The following NBEA variants were observed in gnomAD, a reference collection of about 807,000 sequenced individuals.
NBEA encodes the protein neurobeachin, also known as lysosomal-trafficking regulator 2.
NBEA carries 44 observed loss-of-function variants against 343.4 expected under a neutral mutation model. That is an observed-to-expected ratio of 0.13 (90% CI 0.10 to 0.16). The LOEUF is 0.16. NBEA is among the 10% of genes least tolerant of loss of function. NBEA has a pLI of 1.00. For missense variants in NBEA, 2,555 were observed against 3,631.3 expected (o/e 0.70, Z 7.62); for synonymous variants, 1,175 against 1,238.7 (o/e 0.95, Z 1.08).
chr13:35,138,697 T>A (rs2067885529), intron 17 of NBEA, among the ~76,000 whole-genome samples: 1 of 152,090 alleles, frequency 6.6e-6, no homozygotes, highest in African/African-American at 2.4e-5. Context: ...TGACCTCAAG[T>A]GATCCTCCCA....
intron 4 of NBEA, 145 bp from the exon 5 acceptor site, chr13:35,048,418 A>G: frequency 5.8e-6 from 4 of 693,788 alleles, no homozygotes; most frequent in Admixed American, 3.1e-5. Flanking sequence ...TTAATAAAAT[A>G]CTAGCTCTTA....
chr13:35,320,595 G>T (rs1008985264), intron 36 of NBEA, among the ~76,000 whole-genome samples: 1 of 152,122 alleles, frequency 6.6e-6, no homozygotes, highest in African/African-American at 2.4e-5. Flanking sequence ...TTCTCGAGGA[G>T]TATCTTTGTG....
chr13:35,232,465 T>C (rs2075030171), intron 33 of NBEA, 27 bp from the exon 34 acceptor site: 3 of 1,399,794 alleles, frequency 2.1e-6, no homozygotes, highest in Non-Finnish European at 2.9e-6. Context: ...ATTATATTTA[T>C]TAGTTTTTAT....
intron 46 of NBEA, among the ~76,000 whole-genome samples, chr13:35,584,349 A>T: frequency 7.0e-6 from 1 of 142,496 alleles, no homozygotes. Flanking sequence ...AGGGTCTCTC[A>T]CTCTGCCACT....
chr13:35,117,255 G>T (rs974933337), intron 13 of NBEA, among the ~76,000 whole-genome samples, 159 bp from the exon 14 acceptor site: 2 of 151,256 alleles, frequency 1.3e-5, no homozygotes, highest in Non-Finnish European at 3.0e-5. Context: ...TTAATTTTTG[G>T]ATACTCATAT....
intron 41 of NBEA, among the ~76,000 whole-genome samples, chr13:35,509,127 A>G (rs896300774): frequency 6.6e-6 from 1 of 152,174 alleles, no homozygotes; most frequent in African/African-American, 2.4e-5. Flanking sequence ...TGTCTGGCGT[A>G]TGCCTGCCTG....
chr13:35,670,744 G>A (rs927657770), intron 58 of NBEA, among the ~76,000 whole-genome samples, 157 bp from the exon 59 acceptor site: 13 of 152,236 alleles, frequency 8.5e-5, no homozygotes, highest in Admixed American at 1.3e-4. Flanking sequence ...AGAAATTTCA[G>A]TCCTACTTCC....
intron 39 of NBEA, among the ~76,000 whole-genome samples, chr13:35,443,427 G>A (rs2045845193): frequency 6.6e-6 from 1 of 151,908 alleles, no homozygotes; most frequent in Non-Finnish European, 1.5e-5. Context: ...TAGTGGTATA[G>A]ATAATATCTA....
intron 38 of NBEA, among the ~76,000 whole-genome samples, chr13:35,404,191 G>A (rs989878899): frequency 1.4e-4 from 22 of 152,106 alleles, no homozygotes; most frequent in East Asian, 3.9e-4. Context: ...GGAAGTCAGC[G>A]TGGCGATTCC....
intron 34 of NBEA, among the ~76,000 whole-genome samples, chr13:35,238,735 G>A (rs1359396638): frequency 6.6e-6 from 1 of 152,108 alleles, no homozygotes; most frequent in Non-Finnish European, 1.5e-5. Flanking sequence ...AGAGATGTTA[G>A]CAGTGCAGGA....
At chr13:34,948,370 C>T (rs1566080236) in intron 1 of NBEA, among the ~76,000 whole-genome samples, 1 of 152,096 alleles carries the variant, frequency 6.6e-6, no homozygotes, top group Admixed American at 6.6e-5. Flanking sequence ...GGAAGGCTTT[C>T]TGATGGGGAT....
intron 34 of NBEA, among the ~76,000 whole-genome samples, chr13:35,281,219 G>A (rs914743156): frequency 6.6e-6 from 1 of 151,960 alleles, no homozygotes; most frequent in African/African-American, 2.4e-5. Flanking sequence ...TGACTTTGGG[G>A]AATATCTTCA....
At chr13:35,473,467 T>C (rs1035717749) in intron 41 of NBEA, among the ~76,000 whole-genome samples, 1 of 152,188 alleles carries the variant, frequency 6.6e-6, no homozygotes, top group African/African-American at 2.4e-5. Context: ...TAAAATAGTA[T>C]TTGTAGACTA....
intron 38 of NBEA, among the ~76,000 whole-genome samples, chr13:35,368,619 C>T (rs2041257855): frequency 6.6e-6 from 1 of 151,378 alleles, no homozygotes; most frequent in African/African-American, 2.4e-5. Flanking sequence ...TACTATTGTT[C>T]GTTTGTTACT....
At chr13:34,956,158 A>G (rs2059483808) in intron 1 of NBEA, among the ~76,000 whole-genome samples, 2 of 152,200 alleles carry the variant, frequency 1.3e-5, no homozygotes. Context: ...AAAAAAGACG[A>G]CTTTAATTTT....
At chr13:35,503,585 C>T (rs1375584409) in intron 41 of NBEA, among the ~76,000 whole-genome samples, 4 of 151,684 alleles carry the variant, frequency 2.6e-5, no homozygotes, top group South Asian at 4.2e-4. Context: ...TTTGTAAATA[C>T]TCTTTTGTAT....
intron 41 of NBEA, among the ~76,000 whole-genome samples, chr13:35,478,888 G>A (rs1158081361): frequency 1.3e-5 from 2 of 152,240 alleles, no homozygotes; most frequent in Non-Finnish European, 2.9e-5. Flanking sequence ...GGGCTGTTCG[G>A]GGGACCTTAA....
At chr13:35,127,720 G>T (rs1201787190) in intron 17 of NBEA, among the ~76,000 whole-genome samples, 2 of 152,008 alleles carry the variant, frequency 1.3e-5, no homozygotes, top group African/African-American at 4.8e-5. Context: ...TAAACAGATG[G>T]AGGATTACTT....
intron 35 of NBEA, among the ~76,000 whole-genome samples, chr13:35,297,825 A>G (rs908429309): frequency 6.6e-6 from 1 of 151,904 alleles, no homozygotes; most frequent in East Asian, 1.9e-4. Flanking sequence ...TTTGTTATTT[A>G]TTTTTATTGT....
Sources: allele counts gnomAD v4.1 joint callset (sites outside exome capture counted in the v4.1 genomes callset), GRCh38; gene constraint gnomAD v4.1.1; transcripts MANE v1.5; gene names NCBI Gene and HGNC (gene_info 2026-07-23, HGNC 2026-07-21).